Variants in SRL observed in about 807,000 individuals in gnomAD.
SRL encodes the protein sarcalumenin.
SRL carries 23 observed loss-of-function variants against 39.5 expected under a neutral mutation model. The ratio of observed to expected loss-of-function variants is 0.58; its 90% CI spans 0.42 to 0.82. The LOEUF (loss-of-function observed/expected upper bound fraction) is 0.82. Ranked by LOEUF, SRL falls within the 40% of genes least tolerant of loss-of-function variation. The pLI is 0.00. For missense variants in SRL, 592 were observed against 607.8 expected (o/e 0.97, Z 0.27); for synonymous variants, 272 against 237.4 (o/e 1.15, Z -1.34).
At chr16:4,203,443 T>C (rs7189985) in intron 2 of SRL, among the ~76,000 whole-genome samples, 182 bp from the exon 3 acceptor site, 18,253 of 152,092 alleles carry the variant, frequency 0.12, 3,364 homozygotes, top group African/African-American at 0.4. Flanking sequence ...ACATCTCAAC[T>C]CGCAGAAACC....
intron 2 of SRL, 39 bp downstream of exon 2, chr16:4,204,494 G>A (rs1377640966): frequency 3.3e-6 from 5 of 1,518,346 alleles, no homozygotes; most frequent in East Asian, 2.5e-5. Flanking sequence ...TGGTGGCCGG[G>A]CTCTCCCAGC....
At chr16:4,237,554 G>A (rs555777407) in intron 1 of SRL, among the ~76,000 whole-genome samples, 18 of 152,110 alleles carry the variant, frequency 1.2e-4, no homozygotes, top group Admixed American at 3.9e-4. Context: ...GTAGTGACCC[G>A]CTGCCCACAG....
intron 1 of SRL, among the ~76,000 whole-genome samples, chr16:4,228,563 G>A (rs182013565): frequency 2.5e-4 from 38 of 151,132 alleles, no homozygotes; most frequent in East Asian, 1.4e-3. Flanking sequence ...GTGAAACCCC[G>A]TCTCTACTAA....
In SRL at chr16:4,219,967, G is replaced by A. The variant is rs546962309; in HGVS notation, c.62-15333C>T. On this transcript the variant is annotated intron_variant, in intron 1 of 5. Coordinates refer to ENST00000399609, the MANE Select transcript of SRL (RefSeq NM_001098814.2). ...GGTGGCAGAGGCCAAAAGAAGATGG[G>A]ACCAGAAGAGCATTCCAGCGTCTGG... Among the ~76,000 whole-genome samples the A allele has an allele frequency of 2.0e-5, 3 of 152,108 alleles. No individual in the cohort carries two copies. The South Asian group carries it at 6.2e-4, about 32-fold the overall frequency.
Position 4,203,212 on chromosome 16 carries a change from C to A in SRL, c.213G>T (p.Leu71=). ...GCTCATTGTACTTGTAGGACTGCTC[C>A]AGAGGCTTGATGGATGAGTGGTAGA... The part of the protein sequence containing the change: ...RKIYHSSIKP[L]EQSYKYNELR... The change falls in exon 3 of 6, where the codon CTG becomes CTT. Residue 71 remains leucine (L), a synonymous_variant. Transcript: ENST00000399609. The A allele has an allele frequency of 6.2e-7, 1 of 1,614,218 alleles. No homozygotes were observed. Among genetic ancestry groups the A allele is most frequent in the Non-Finnish European group, 8.5e-7 (1 of 1,180,028 alleles).
At chr16:4,231,290 T>C (rs1193858400) in intron 1 of SRL, among the ~76,000 whole-genome samples, 1 of 152,200 alleles carries the variant, frequency 6.6e-6, no homozygotes, top group Non-Finnish European at 1.5e-5. Context: ...CACTCCAGCC[T>C]GGGCAACAGA....
chr16:4,202,559 C>T (rs1047232544), intron 3 of SRL, among the ~76,000 whole-genome samples: 1 of 150,868 alleles, frequency 6.6e-6, no homozygotes, highest in South Asian at 2.1e-4. Flanking sequence ...CGCCACTGCA[C>T]TCCAGTATGA....
rs2052039297 is a variant in SRL at position 4,189,822 on chromosome 16, C to G, written c.*2331G>C. 1 of 155,034 alleles carries G rather than the reference C, an allele frequency of 6.5e-6. No homozygotes were observed. The highest frequency in any genetic ancestry group is 2.1e-4 in the South Asian group (1 of 4,856). The allele number at this position is 155,034 out of a possible 1,614,324, so 9.6% of individuals were successfully genotyped here. A position where few individuals can be genotyped will look rare whatever the true frequency, so the allele number is the denominator to read the frequency against. On this transcript the variant is annotated 3_prime_UTR_variant, in exon 6 of 6. Coordinates refer to ENST00000399609, the MANE Select transcript of SRL (RefSeq NM_001098814.2). ...CTATGACAATGCCCACACAGTTGTG[C>G]ATCTTTTTTTGTTTTTCCCCTGACT... is the stretch of plus-strand genomic sequence containing the variant.
chr16:4,229,124 A>C (rs2052630733), intron 1 of SRL, among the ~76,000 whole-genome samples: 1 of 152,028 alleles, frequency 6.6e-6, no homozygotes, highest in Admixed American at 6.5e-5. Context: ...TGGTACATCT[A>C]CACCATGGAA....
At chr16:4,217,988 T>TGG (rs1394290969) in intron 1 of SRL, among the ~76,000 whole-genome samples, 2 of 152,080 alleles carry the variant, frequency 1.3e-5, no homozygotes, top group Non-Finnish European at 2.9e-5. Context: ...GCAGGGTGCC[T>TGG]GGGGGTGAGC....
At chr16:4,231,534 C>G (rs181627866) in intron 1 of SRL, among the ~76,000 whole-genome samples, 8 of 152,154 alleles carry the variant, frequency 5.3e-5, no homozygotes, top group Admixed American at 1.3e-4. Context: ...CTCGAGCCCC[C>G]CTTCCAGGAA....
At chr16:4,212,319 A>C (rs1352602630) in intron 1 of SRL, among the ~76,000 whole-genome samples, 1 of 152,130 alleles carries the variant, frequency 6.6e-6, no homozygotes, top group Non-Finnish European at 1.5e-5. Context: ...AAGCTGTCCC[A>C]TTGGGCCCCA....
At position 4,192,850 on chromosome 16, in the gene SRL, T is replaced by C; in HGVS notation, c.725A>G (p.Gln242Arg). ...VGLELEMLFR[Q>R]LKGRESQIRI... is the part of the protein sequence containing the mutation. ...TATCTGGGATTCACGCCCCTTCAAC[T>C]GGCGGAAGAGCATCTCCAGCTCTAG... is the stretch of plus-strand genomic sequence containing the variant. The change falls in exon 6 of 6, where the codon CAG (glutamine) becomes CGG (arginine). Residue 242 changes from glutamine (Q) to arginine (R), a missense_variant. Gln to Arg is a conservative substitution (Grantham distance 43). Coordinates refer to ENST00000399609, the MANE Select transcript of SRL (RefSeq NM_001098814.2). The surrounding 1 kb of genome is among the most constrained non-coding windows in gnomAD (Gnocchi z 4.0). 1 of 1,614,186 alleles carries C rather than the reference T, an allele frequency of 6.2e-7. No individual in the cohort carries two copies. Among genetic ancestry groups the C allele is most frequent in the Middle Eastern group, 1.6e-4 (1 of 6,062 alleles).
intron 1 of SRL, among the ~76,000 whole-genome samples, chr16:4,229,831 G>C (rs2141065750): frequency 6.6e-6 from 1 of 152,204 alleles, no homozygotes; most frequent in East Asian, 1.9e-4. Flanking sequence ...CAGATGAGGA[G>C]GTGCTTCCAC....
chr16:4,192,247 A>T lies in SRL; in HGVS notation c.1328T>A (p.Leu443Gln). ...ATTCTTCCCGAGCCCGAGGCTACCCAGGAGGCCCGGAAGCTCCTGAGTGAT... is the reference window on the plus strand; with the variant it reads ...ATTCTTCCCGAGCCCGAGGCTACCCTGGAGGCCCGGAAGCTCCTGAGTGAT... ...RAITQELPGL[L>Q]GSLGLGKNPG... is the part of the protein sequence containing the mutation. Residue 443 changes from leucine to glutamine, a missense_variant, in exon 6 of 6, where the codon CTG becomes CAG. Leu to Gln is a moderately radical substitution (Grantham distance 113). Coordinates refer to ENST00000399609, the MANE Select transcript of SRL (RefSeq NM_001098814.2). This position sits in a 1 kb window ranked among gnomAD's most constrained non-coding sequence, Gnocchi z 4.0. The T allele has an allele frequency of 6.2e-7, 1 of 1,613,548 alleles. No individual in the cohort carries two copies. The highest frequency in any genetic ancestry group is 8.5e-7 in the Non-Finnish European group (1 of 1,179,744).
At chr16:4,230,670 G>A (rs1050916004) in intron 1 of SRL, among the ~76,000 whole-genome samples, 2 of 151,984 alleles carry the variant, frequency 1.3e-5, no homozygotes, top group African/African-American at 2.4e-5. Flanking sequence ...TTACAGGTGT[G>A]AGCCACCACA....
At chr16:4,193,043 T>G (rs2052090185) in intron 5 of SRL, 79 bp from the exon 6 acceptor site, 1 of 1,265,470 alleles carries the variant, frequency 7.9e-7, no homozygotes, top group African/African-American at 1.5e-5. Context: ...AACTAAACCA[T>G]TCTGGGGGTT....
intron 1 of SRL, among the ~76,000 whole-genome samples, chr16:4,238,788 A>C (rs1195141253): frequency 7.1e-6 from 1 of 140,686 alleles, no homozygotes; most frequent in South Asian, 2.3e-4. Flanking sequence ...ACACCGAGCT[A>C]TTTTTTTTTT....
In SRL at chr16:4,193,236, A is replaced by AT. The variant is rs1256523173; in HGVS notation, c.611-273dup. 4.6e-5 allele frequency among the ~76,000 whole-genome samples: 7 copies of AT among 152,236 alleles called. No homozygotes were observed. The East Asian group carries it at 1.4e-3, about 29-fold the overall frequency. ...CAGGCTGGAGTGCAGTGGCATGATT[A>AT]TAGCTCACTGCAGCCTCAACCTCCC... On this transcript the variant is annotated intron_variant, in intron 5 of 5. Transcript: ENST00000399609.
Sources: allele counts gnomAD v4.1 joint callset (sites outside exome capture counted in the v4.1 genomes callset), GRCh38; gene constraint gnomAD v4.1.1; non-coding constraint Gnocchi (gnomAD v3.1); transcripts MANE v1.5; gene names NCBI Gene and HGNC (gene_info 2026-07-23, HGNC 2026-07-21).